Variants in ZNF837 observed in about 807,000 individuals in gnomAD.
ZNF837 encodes the protein zinc finger protein 837.
For missense variants in ZNF837, 955 were observed against 801.7 expected, an observed-to-expected ratio of 1.19 and a Z score of -2.31; for synonymous variants, 475 against 365.2, an observed-to-expected ratio of 1.30 and a Z score of -3.43.
intron 1 of ZNF837, among the ~76,000 whole-genome samples, chr19:58,379,446 C>T (rs939839296): frequency 2.0e-5 from 3 of 152,224 alleles, no homozygotes; most frequent in African/African-American, 7.2e-5. Context: ...AACTATCCCA[C>T]CTGTAGGTGG....
Position 58,368,201 on chromosome 19 carries a change from G to T in ZNF837, c.1132C>A (p.Leu378Ile). Residue 378 changes from leucine to isoleucine, a missense_variant, in exon 3 of 3, where the codon CTC becomes ATC. By Grantham distance (5) the Leu-to-Ile change is conservative (BLOSUM62 2). Coordinates refer to ENST00000597582, the MANE Select transcript of ZNF837 (RefSeq NM_138466.2). ...CAKAFGLFSH[L>I]VEHRRVHTGE... ...GTGTGCACGCGCCGGTGCTCCACGA[G>T]GTGCGAGAACAGCCCGAAGGCCTTG... is the stretch of plus-strand genomic sequence containing the variant. 1.3e-6 allele frequency: 2 copies of T among 1,561,530 alleles called. No homozygotes were observed. The highest frequency in any genetic ancestry group is 1.9e-5 in the Admixed American group (1 of 52,310).
rs1335340663 is a variant in ZNF837 at position 58,368,441 on chromosome 19, G to A, written c.892C>T (p.Pro298Ser). 1.3e-6 allele frequency: 2 copies of A among 1,563,372 alleles called. No individual in the cohort carries two copies. The highest frequency in any genetic ancestry group is 1.7e-6 in the Non-Finnish European group (2 of 1,156,724). Residue 298 changes from proline to serine, a missense_variant, in exon 3 of 3, where the codon CCC becomes TCC. Pro to Ser is a moderately conservative substitution (Grantham distance 74). Transcript: ENST00000597582. ...TTGCCGCACTCGGCGCACTCGTAGG[G>A]CCGCTCGCCCGTGTGGATGCGCTGG... Reference protein sequence around the residue: ...QHQRIHTGERPYECAECGKAF... With the variant: ...QHQRIHTGERSYECAECGKAF...
chr19:58,378,144 G>A (rs2052264333), intron 1 of ZNF837, among the ~76,000 whole-genome samples: 1 of 152,202 alleles, frequency 6.6e-6, no homozygotes. Context: ...TGGGATCTGA[G>A]GTCCCCACAC....
rs748988984 is a variant in ZNF837 at position 58,368,024 on chromosome 19, G to C, written c.1309C>G (p.His437Asp). 6.5e-7 allele frequency: 1 copy of C among 1,535,890 alleles called. No homozygotes were observed. The highest frequency in any genetic ancestry group is 8.7e-7 in the Non-Finnish European group (1 of 1,145,580). Residue 437 changes from histidine (H) to aspartate (D), a missense_variant, in exon 3 of 3, where the codon CAC becomes GAC. Coordinates refer to ENST00000597582, the MANE Select transcript of ZNF837 (RefSeq NM_138466.2). ...CGCTCGCCGGTGTGCGCGCGCTGGT[G>C]TTGCACCAGGCCCGAGCGGCCCTTG... ...AFKGRSGLVQ[H>D]QRAHTGERPY...
At position 58,367,813 on chromosome 19, in the gene ZNF837, T is replaced by A; in HGVS notation, c.1520A>T (p.Asp507Val). 1.3e-6 allele frequency: 2 copies of A among 1,536,506 alleles called. No individual in the cohort carries two copies. Among genetic ancestry groups the A allele is most frequent in the Non-Finnish European group, 1.7e-6 (2 of 1,145,692 alleles). Residue 507 changes from aspartate to valine, a missense_variant, in exon 3 of 3, where the codon GAT (aspartate) becomes GTT (valine). Physicochemically the swap from Asp to Val is radical, Grantham distance 152. Transcript: ENST00000597582. The part of the protein sequence containing the change: ...HTGERPYACG[D>V]CGRAFSQRSN... ...GCGTTGGCTGAAGGCGCGGCCGCAA[T>A]CTCCGCACGCGTAGGGCCGCTCGCC...
At position 58,373,199 on chromosome 19, in the gene ZNF837, G is replaced by A. The variant is rs558825589; in HGVS notation, c.-139-3271C>T. 9.8e-5 allele frequency among the ~76,000 whole-genome samples: 15 copies of A among 152,310 alleles called. No individual in the cohort carries two copies. In the East Asian group the frequency reaches 2.7e-3, roughly 27 times the overall value. Reference sequence around the variant, plus strand: ...GAGCCAGATGCAGACTCCCAAAGGCGCCGATCCTTCCTCGATCTCCCTCCC... The same window carrying A: ...GAGCCAGATGCAGACTCCCAAAGGCACCGATCCTTCCTCGATCTCCCTCCC... On this transcript the variant is annotated intron_variant, in intron 1 of 2. Transcript: ENST00000597582.
At position 58,368,970 on chromosome 19, in the gene ZNF837, G is replaced by A. The variant is rs1314516173; in HGVS notation, c.363C>T (p.Gly121=). 4.6e-6 allele frequency: 7 copies of A among 1,534,140 alleles called. No individual in the cohort carries two copies. In the Admixed American group the frequency reaches 1.2e-4, roughly 26 times the overall value. The change falls in exon 3 of 3, where the codon GGC becomes GGT. Residue 121 remains glycine (G), a synonymous_variant. Coordinates refer to ENST00000597582, the MANE Select transcript of ZNF837 (RefSeq NM_138466.2). ...GGCAGGAGTTCCTGCTGCAGTCCCC[G>A]CCACGCGCTGGGCTCCTACAGGGGC... ...REGPCRSPAR[G]GDCSRNSCLA...
intron 1 of ZNF837, among the ~76,000 whole-genome samples, chr19:58,375,595 G>A (rs1372666635): frequency 1.3e-5 from 2 of 149,680 alleles, no homozygotes; most frequent in African/African-American, 4.9e-5. Flanking sequence ...TTACAGGCAT[G>A]TGCCACCAAG....
chr19:58,369,088 G>T lies in ZNF837; in HGVS notation c.245C>A (p.Ala82Asp). 2 of 1,513,828 alleles carry T rather than the reference G, an allele frequency of 1.3e-6. No individual in the cohort carries two copies. The highest frequency in any genetic ancestry group is 1.3e-5 in the South Asian group (1 of 79,462). The allele number at this position is 1,513,828 out of a possible 1,614,324, so 93.8% of individuals were successfully genotyped here. A position where few individuals can be genotyped will look rare whatever the true frequency, so the allele number is the denominator to read the frequency against. The part of the protein sequence containing the change: ...VSPGPGTRHS[A>D]GTRPLVREPC... Reference sequence around the variant, plus strand: ...CTCCCGCACGAGGGGTCTGGTCCCGGCGCTGTGCCGGGTCCCCGGGCCGGG... The same window carrying T: ...CTCCCGCACGAGGGGTCTGGTCCCGTCGCTGTGCCGGGTCCCCGGGCCGGG... Residue 82 changes from alanine to aspartate, a missense_variant, in exon 3 of 3, where the codon GCC (alanine) becomes GAC (aspartate). Transcript: ENST00000597582.
chr19:58,368,328 G>T lies in ZNF837; in HGVS notation c.1005C>A (p.Arg335=). 6.7e-7 allele frequency: 1 copy of T among 1,502,224 alleles called. No individual in the cohort carries two copies. Among genetic ancestry groups the T allele is most frequent in the South Asian group, 1.3e-5 (1 of 78,550 alleles). 93.1% of individuals were successfully genotyped at this position (1,502,224 alleles called of 1,614,324 possible). A position where few individuals can be genotyped will look rare whatever the true frequency, so the allele number is the denominator to read the frequency against. The change falls in exon 3 of 3, where the codon CGC becomes CGA. Residue 335 remains arginine, a synonymous_variant. Transcript: ENST00000597582. ...RHRRGPVLAR[R]AFRLGCPPCG... ...AGGGCGGGCACCCCAGCCGGAAGGC[G>T]CGCCGCGCCAGGACGGGGCCACGCC... is the stretch of plus-strand genomic sequence containing the variant.
intron 1 of ZNF837, among the ~76,000 whole-genome samples, chr19:58,372,357 C>T (rs2052209633): frequency 1.3e-5 from 2 of 152,138 alleles, no homozygotes; most frequent in Admixed American, 1.3e-4. Context: ...CCGCACCCAG[C>T]CGATATCCAT....
chr19:58,371,069 G>A (rs1405880120), intron 1 of ZNF837, among the ~76,000 whole-genome samples: 3 of 151,796 alleles, frequency 2.0e-5, no homozygotes, highest in Admixed American at 6.6e-5. Flanking sequence ...GTGAAACCCC[G>A]TCTCTACTAA....
intron 1 of ZNF837, among the ~76,000 whole-genome samples, chr19:58,370,852 ACC>A (rs1385160181): frequency 4.1e-5 from 6 of 147,592 alleles, no homozygotes; most frequent in African/African-American, 1.5e-4. Context: ...CCGAGATCGC[ACC>A]ATTGCACTCC....
chr19:58,377,297 G>A (rs890889125), intron 1 of ZNF837, among the ~76,000 whole-genome samples: 5 of 151,570 alleles, frequency 3.3e-5, no homozygotes, highest in Non-Finnish European at 7.4e-5. Context: ...ACGAGGTCAG[G>A]AGATTGAGAC....
chr19:58,376,453 G>T (rs2052246731), intron 1 of ZNF837, among the ~76,000 whole-genome samples: 1 of 149,792 alleles, frequency 6.7e-6, no homozygotes, highest in South Asian at 2.1e-4. Flanking sequence ...TACTCCGGAG[G>T]CTGAGGCAGG....
rs572272116 is a variant in ZNF837, at chr19:58,368,994, G to A, written c.339C>T (p.Gly113=). 272 of 1,520,124 alleles carry A rather than the reference G, an allele frequency of 1.8e-4. No homozygotes were observed. The East Asian group carries it at 6.1e-3, about 34-fold the overall frequency. 94.2% of individuals were successfully genotyped at this position (1,520,124 alleles called of 1,614,324 possible). A position where few individuals can be genotyped will look rare whatever the true frequency, so the allele number is the denominator to read the frequency against. The change falls in exon 3 of 3, where the codon GGC becomes GGT. Residue 113 remains glycine (G), a synonymous_variant. Transcript: ENST00000597582. ...VIPEGLQARE[G]PCRSPARGGD... is the part of the protein sequence containing the mutation. The stretch of plus-strand genomic sequence containing the variant: ...CGCCACGCGCTGGGCTCCTACAGGG[G>A]CCCTCCCGGGCTTGCAGCCCCTCGG...
rs1239220354 is a variant in ZNF837 at position 58,368,000 on chromosome 19, G to A, written c.1333C>T (p.Arg445Trp). 2.0e-6 allele frequency: 3 copies of A among 1,531,726 alleles called. No homozygotes were observed. The highest frequency in any genetic ancestry group is 2.6e-6 in the Non-Finnish European group (3 of 1,143,880). 94.9% of individuals were successfully genotyped at this position (1,531,726 alleles called of 1,614,324 possible). A position where few individuals can be genotyped will look rare whatever the true frequency, so the allele number is the denominator to read the frequency against. Reference sequence around the variant, plus strand: ...CCGCACTCGGAGCAGCCATAGGGCCGCTCGCCGGTGTGCGCGCGCTGGTGT... The same window carrying A: ...CCGCACTCGGAGCAGCCATAGGGCCACTCGCCGGTGTGCGCGCGCTGGTGT... ...VQHQRAHTGE[R>W]PYGCSECGKT... is the part of the protein sequence containing the mutation. Residue 445 changes from arginine to tryptophan, a missense_variant, in exon 3 of 3, where the codon CGG becomes TGG. By Grantham distance (101) the Arg-to-Trp change is moderately radical. Transcript: ENST00000597582.
chr19:58,375,903 A>G (rs1009627256), intron 1 of ZNF837, among the ~76,000 whole-genome samples: 4 of 151,350 alleles, frequency 2.6e-5, no homozygotes, highest in African/African-American at 4.9e-5. Flanking sequence ...TGGTTTATTT[A>G]TTTATTTTTA....
chr19:58,376,554 C>CAAAAAAAAAAAAAAAAAAAAAA (rs59075587), intron 1 of ZNF837, among the ~76,000 whole-genome samples: 1 of 67,798 alleles, frequency 1.5e-5, no homozygotes, highest in African/African-American at 6.4e-5. Context: ...GACTCTGTCT[C>CAAAAAAAAAAAAAAAAAAAAAA]AAAAAAAAAA....
Sources: allele counts gnomAD v4.1 joint callset (sites outside exome capture counted in the v4.1 genomes callset), GRCh38; gene constraint gnomAD v4.1.1; transcripts MANE v1.5; gene names NCBI Gene and HGNC (gene_info 2026-07-23, HGNC 2026-07-21).